TRPS1: variants seen among roughly 807,000 people sequenced by gnomAD.
TRPS1 encodes transcriptional repressor GATA binding 1.
A neutral mutation model predicts 101.2 loss-of-function variants in TRPS1; 6 were observed. That is an observed-to-expected ratio of 0.06 (90% CI 0.03 to 0.12). TRPS1 has a LOEUF of 0.12. Among genes scored for constraint, TRPS1 ranks in the 10% least tolerant of loss-of-function variants. TRPS1 has a pLI of 1.00. For missense variants in TRPS1, 1,363 were observed against 1,567.0 expected, an observed-to-expected ratio of 0.87 and a Z score of 2.20; for synonymous variants, 578 against 589.8, an observed-to-expected ratio of 0.98 and a Z score of 0.29.
intron 5 of TRPS1, among the ~76,000 whole-genome samples, chr8:115,584,028 G>A (rs117222855): frequency 8.6e-5 from 13 of 151,302 alleles, no homozygotes; most frequent in Non-Finnish European, 1.6e-4. Flanking sequence ...GCTAAAACCA[G>A]TTTAAAAAAA....
At chr8:115,476,693 CTT>C (rs754545004) in intron 5 of TRPS1, among the ~76,000 whole-genome samples, 1 of 152,142 alleles carries the variant, frequency 6.6e-6, no homozygotes, top group Non-Finnish European at 1.5e-5. Context: ...TTTATATAGA[CTT>C]TGCAATTTTA....
At chr8:115,538,021 C>A (rs1230238903) in intron 5 of TRPS1, among the ~76,000 whole-genome samples, 2 of 152,172 alleles carry the variant, frequency 1.3e-5, no homozygotes, top group African/African-American at 4.8e-5. Context: ...AAAGAGAATT[C>A]TTTACTTAAC....
intron 2 of TRPS1, among the ~76,000 whole-genome samples, chr8:115,622,893 CA>C (rs1335435247): frequency 6.6e-6 from 1 of 151,982 alleles, no homozygotes; most frequent in Admixed American, 6.6e-5. Context: ...TTTTAAATAG[CA>C]AGGGAACCAA....
chr8:115,508,270 G>A (rs761222720), intron 5 of TRPS1, among the ~76,000 whole-genome samples: 1 of 152,054 alleles, frequency 6.6e-6, no homozygotes, highest in African/African-American at 2.4e-5. Context: ...TTGATGGCAC[G>A]AACTTTCCTT....
Position 115,623,063 on chromosome 8 carries a change from G to A in TRPS1, c.37+538C>T, listed in dbSNP as rs144357006. On this transcript the variant is annotated intron_variant, in intron 2 of 6. Coordinates refer to ENST00000395715, the MANE Select transcript of TRPS1 (RefSeq NM_014112.5). ...AAAGACTACTCAACCAGCATCTTTA[G>A]TGGCTGGGAGAAAATATGACTTAAT... 3.2e-3 allele frequency among the ~76,000 whole-genome samples: 485 copies of A among 152,220 alleles called. 3 individuals are homozygous for A. The highest frequency in any genetic ancestry group is 0.011 in the African/African-American group (456 of 41,566).
chr8:115,489,093 C>T (rs1242199633), intron 5 of TRPS1, among the ~76,000 whole-genome samples: 1 of 152,136 alleles, frequency 6.6e-6, no homozygotes, highest in Admixed American at 6.5e-5. Context: ...CCTTCTCATC[C>T]TCCACATCCT....
chr8:115,481,397 A>AC (rs369741350), intron 5 of TRPS1, among the ~76,000 whole-genome samples: 2,461 of 148,320 alleles, frequency 0.017, 42 homozygotes, highest in African/African-American at 0.046. Context: ...ATAAAAATCA[A>AC]CCCCCCCCCA....
chr8:115,517,810 T>C (rs1163443860), intron 5 of TRPS1, among the ~76,000 whole-genome samples: 1 of 151,812 alleles, frequency 6.6e-6, no homozygotes, highest in Non-Finnish European at 1.5e-5. Flanking sequence ...CTCCAGGCTC[T>C]GTGCTCTTGA....
At chr8:115,498,377 C>G (rs1473097416) in intron 5 of TRPS1, among the ~76,000 whole-genome samples, 584 of 53,108 alleles carry the variant, frequency 0.011, 52 homozygotes, top group Non-Finnish European at 0.013. Context: ...GAGCCCGTCT[C>G]TCTCTCTCTC....
intron 5 of TRPS1, among the ~76,000 whole-genome samples, chr8:115,507,751 C>T (rs983591292): frequency 1.3e-5 from 2 of 152,038 alleles, no homozygotes; most frequent in African/African-American, 4.8e-5. Flanking sequence ...GGACCTCAAC[C>T]ATTGAACAAG....
At chr8:115,639,037 A>G (rs1563662403) in intron 1 of TRPS1, among the ~76,000 whole-genome samples, 1 of 152,310 alleles carries the variant, frequency 6.6e-6, no homozygotes, top group East Asian at 1.9e-4. Flanking sequence ...CTTTCTGCAC[A>G]GATCAATTCA....
chr8:115,454,514 T>A (rs1813965911), intron 5 of TRPS1, among the ~76,000 whole-genome samples: 1 of 152,178 alleles, frequency 6.6e-6, no homozygotes, highest in Non-Finnish European at 1.5e-5. Flanking sequence ...TTACTTAATT[T>A]TTTTCCTCTG....
intron 5 of TRPS1, chr8:115,509,519 T>C (rs1815528190): frequency 6.6e-6 from 1 of 152,144 alleles, no homozygotes; most frequent in Admixed American, 6.6e-5. Flanking sequence ...AATTCAATTT[T>C]TGTTGGTATT....
chr8:115,610,249 T>C (rs551917576), intron 3 of TRPS1, among the ~76,000 whole-genome samples: 13 of 151,808 alleles, frequency 8.6e-5, no homozygotes, highest in Non-Finnish European at 1.9e-4. Context: ...AGCTAAGTTG[T>C]TAAAAAAAAA....
chr8:115,656,634 C>G (rs1811682759), intron 1 of TRPS1, among the ~76,000 whole-genome samples: 1 of 152,000 alleles, frequency 6.6e-6, no homozygotes, highest in Admixed American at 6.6e-5. Flanking sequence ...TATGATTTTC[C>G]AACATCACTG....
intron 4 of TRPS1, among the ~76,000 whole-genome samples, chr8:115,594,975 A>T (rs531283998): frequency 1.3e-5 from 2 of 151,954 alleles, no homozygotes; most frequent in South Asian, 4.2e-4. Context: ...ACTTTCAGTA[A>T]TTTTTTTAAA....
intron 5 of TRPS1, among the ~76,000 whole-genome samples, chr8:115,454,815 G>C (rs962375916): frequency 2.0e-5 from 3 of 151,830 alleles, no homozygotes; most frequent in African/African-American, 7.3e-5. Flanking sequence ...TGGTACAAAG[G>C]TTTCATTTTA....
chr8:115,529,058 T>G (rs1480070338), intron 5 of TRPS1, among the ~76,000 whole-genome samples: 1 of 151,874 alleles, frequency 6.6e-6, no homozygotes, highest in Admixed American at 6.6e-5. Flanking sequence ...TGCTATGAGC[T>G]AGGAAGGAGA....
At chr8:115,630,901 TG>T (rs1164460192) in intron 1 of TRPS1, among the ~76,000 whole-genome samples, 1 of 151,964 alleles carries the variant, frequency 6.6e-6, no homozygotes, top group African/African-American at 2.4e-5. Context: ...ATGCAAAAAG[TG>T]ATAACATTTT....
Sources: allele counts gnomAD v4.1 joint callset (sites outside exome capture counted in the v4.1 genomes callset), GRCh38; gene constraint gnomAD v4.1.1; transcripts MANE v1.5; gene names NCBI Gene and HGNC (gene_info 2026-07-23, HGNC 2026-07-21).